TMOD1: variants seen among roughly 807,000 people sequenced by gnomAD.
The protein encoded by TMOD1 is tropomodulin 1.
In TMOD1, 17 loss-of-function variants were observed where a neutral mutation model predicts 40.6. The observed-to-expected ratio is 0.42, with a 90% CI of 0.29 to 0.63. The LOEUF is 0.63. Among genes scored for constraint, TMOD1 ranks in the 20% least tolerant of loss-of-function variants. The pLI is 0.22. For missense variants in TMOD1, 391 were observed against 447.6 expected, an observed-to-expected ratio of 0.87 and a Z score of 1.14; for synonymous variants, 181 against 175.0, an observed-to-expected ratio of 1.03 and a Z score of -0.27.
At position 97,600,888 on chromosome 9, in the gene TMOD1, C is replaced by A; in HGVS notation, c.*1190C>A. On this transcript the variant is annotated 3_prime_UTR_variant, in exon 10 of 10. Coordinates refer to ENST00000259365, the MANE Select transcript of TMOD1 (RefSeq NM_003275.4). ...CAATGCCCTTGTGCCTTTTAATATA[C>A]CACAGTGCCAGTTAAACTAATATTT... 8.7e-7 allele frequency: 1 copy of A among 1,145,820 alleles called. No homozygotes were observed. The highest frequency in any genetic ancestry group is 1.1e-6 in the Non-Finnish European group (1 of 916,196). 71.0% of individuals were successfully genotyped at this position (1,145,820 alleles called of 1,614,324 possible). A position where few individuals can be genotyped will look rare whatever the true frequency, so the allele number is the denominator to read the frequency against.
At chr9:97,537,675 T>C (rs1250497865) in intron 2 of TMOD1, among the ~76,000 whole-genome samples, 1 of 152,226 alleles carries the variant, frequency 6.6e-6, no homozygotes, top group African/African-American at 2.4e-5. Flanking sequence ...AGTTGGCAAC[T>C]GCACACAGGA....
At position 97,553,298 on chromosome 9, in the gene TMOD1, A is replaced by G; in HGVS notation, c.295A>G (p.Lys99Glu). ...GEKRGKVWVP[K>E]QKPLDPVLES... Reference sequence around the variant, plus strand: ...GTTTGCAGGAAAGGTCTGGGTTCCTAAGCAGAAGCCACTGGATCCTGTGCT... The same window carrying G: ...GTTTGCAGGAAAGGTCTGGGTTCCTGAGCAGAAGCCACTGGATCCTGTGCT... The change falls in exon 4 of 10, where the codon AAG (lysine) becomes GAG (glutamate). Residue 99 changes from lysine (K) to glutamate (E), a missense_variant. Transcript: ENST00000259365. 1.2e-6 allele frequency: 2 copies of G among 1,614,152 alleles called. No homozygotes were observed. The highest frequency in any genetic ancestry group is 1.7e-6 in the Non-Finnish European group (2 of 1,180,016).
At chr9:97,543,699 G>A (rs1252455452) in intron 2 of TMOD1, among the ~76,000 whole-genome samples, 1 of 152,206 alleles carries the variant, frequency 6.6e-6, no homozygotes, top group Non-Finnish European at 1.5e-5. Flanking sequence ...TATTCATTAT[G>A]GGTAGTCACA....
chr9:97,520,702 G>A (rs1742355850), intron 1 of TMOD1, among the ~76,000 whole-genome samples: 1 of 152,142 alleles, frequency 6.6e-6, no homozygotes, highest in Non-Finnish European at 1.5e-5. Context: ...TAGCACCTTG[G>A]GGTGTGTATG....
intron 9 of TMOD1, among the ~76,000 whole-genome samples, chr9:97,594,824 C>A (rs1269943692): frequency 6.8e-6 from 1 of 147,788 alleles, no homozygotes; most frequent in Non-Finnish European, 1.5e-5. Context: ...GTCATCTCCA[C>A]ACTATTTATA....
chr9:97,503,021 C>T (rs1829530870), intron 1 of TMOD1, among the ~76,000 whole-genome samples: 1 of 152,204 alleles, frequency 6.6e-6, no homozygotes, highest in African/African-American at 2.4e-5. Flanking sequence ...TCGGAGACGA[C>T]CTGGCCCAAG....
At chr9:97,521,495 T>C (rs987859492) in intron 1 of TMOD1, among the ~76,000 whole-genome samples, 3 of 152,184 alleles carry the variant, frequency 2.0e-5, no homozygotes, top group African/African-American at 7.2e-5. Flanking sequence ...ACAGAGATCA[T>C]GGATCCTCTC....
intron 6 of TMOD1, among the ~76,000 whole-genome samples, chr9:97,564,718 C>T (rs1434349932): frequency 1.3e-5 from 2 of 152,192 alleles, no homozygotes; most frequent in African/African-American, 4.8e-5. Context: ...GTGCACATTT[C>T]CTTATGTGAT....
At chr9:97,578,692 T>G (rs1353148527) in intron 8 of TMOD1, among the ~76,000 whole-genome samples, 3 of 152,346 alleles carry the variant, frequency 2.0e-5, no homozygotes, top group Middle Eastern at 3.4e-3. Flanking sequence ...ATGCAGATGC[T>G]GGCTCCTGCC....
intron 1 of TMOD1, 126 bp from the exon 2 acceptor site, chr9:97,524,015 C>T: frequency 3.2e-6 from 2 of 626,016 alleles, no homozygotes; most frequent in Non-Finnish European, 5.3e-6. Flanking sequence ...AGTATTCCAC[C>T]ATAGTAATGA....
At chr9:97,561,602 G>A (rs907142140) in intron 4 of TMOD1, among the ~76,000 whole-genome samples, 4 of 152,226 alleles carry the variant, frequency 2.6e-5, no homozygotes, top group African/African-American at 9.6e-5. Context: ...GTGTTGCCAT[G>A]CGTCTGATTA....
Position 97,524,227 on chromosome 9 carries a change from G to A in TMOD1, c.39G>A (p.Leu13=), listed in dbSNP as rs770527725. ...YRRELEKYRD[L]DEDEILGALT... is the part of the protein sequence containing the mutation. Reference sequence around the variant, plus strand: ...GAGAACTAGAGAAATACCGTGACCTGGATGAAGATGAAATCCTTGGAGCCC... The same window carrying A: ...GAGAACTAGAGAAATACCGTGACCTAGATGAAGATGAAATCCTTGGAGCCC... The change falls in exon 2 of 10, where the codon CTG becomes CTA. Residue 13 remains leucine, a synonymous_variant. Coordinates refer to ENST00000259365, the MANE Select transcript of TMOD1 (RefSeq NM_003275.4). 11 of 1,614,172 alleles carry A rather than the reference G, an allele frequency of 6.8e-6. No individual in the cohort carries two copies. The highest frequency in any genetic ancestry group is 1.7e-5 in the Admixed American group (1 of 60,020).
At position 97,600,218 on chromosome 9, in the gene TMOD1, A is replaced by G; in HGVS notation, c.*520A>G. On this transcript the variant is annotated 3_prime_UTR_variant, in exon 10 of 10. Coordinates refer to ENST00000259365, the MANE Select transcript of TMOD1 (RefSeq NM_003275.4). ...AGTTGCCAAATTGATTACTGGATCC[A>G]GAACACAATTTTCCCCTCAGAACAG... is the stretch of plus-strand genomic sequence containing the variant. The G allele has an allele frequency of 1.0e-6, 1 of 994,474 alleles. No homozygotes were observed. Among genetic ancestry groups the G allele is most frequent in the Non-Finnish European group, 1.2e-6 (1 of 834,452 alleles). 61.6% of individuals were successfully genotyped at this position (994,474 alleles called of 1,614,324 possible).
At position 97,559,831 on chromosome 9, in the gene TMOD1, CTATCTATCTATCTATCTA is replaced by C. The variant is rs1293796484; in HGVS notation, c.398-2899_398-2882del. 1.0e-3 allele frequency among the ~76,000 whole-genome samples: 37 copies of C among 35,732 alleles called. 1 individual carries two copies. The highest frequency in any genetic ancestry group is 4.4e-3 in the African/African-American group (35 of 7,976). 23.4% of individuals were successfully genotyped at this position (35,732 alleles called of 152,430 possible). On this transcript the variant is annotated intron_variant, in intron 4 of 9. Coordinates refer to ENST00000259365, the MANE Select transcript of TMOD1 (RefSeq NM_003275.4). Reference sequence around the variant, plus strand: ...TATATATATATATATATATGTCTATCTATCTATCTATCTATCTATCTCCAGAGATTCTGATTGGTTGGT... The same window carrying C: ...TATATATATATATATATATGTCTATCTCTCCAGAGATTCTGATTGGTTGGT...
At chr9:97,534,126 G>A (rs565516445) in intron 2 of TMOD1, among the ~76,000 whole-genome samples, 154 of 152,212 alleles carry the variant, frequency 1.0e-3, no homozygotes, top group Non-Finnish European at 1.7e-3. Context: ...TCATATCATT[G>A]CCTGGAACTT....
intron 1 of TMOD1, among the ~76,000 whole-genome samples, chr9:97,515,149 C>T (rs765435232): frequency 7.1e-6 from 1 of 140,108 alleles, no homozygotes; most frequent in Non-Finnish European, 1.5e-5. Context: ...CCAGCCTGGT[C>T]AACATAGTGA....
At chr9:97,594,036 G>A (rs2805788) in intron 9 of TMOD1, among the ~76,000 whole-genome samples, 30,685 of 151,988 alleles carry the variant, frequency 0.2, 3,461 homozygotes, top group African/African-American at 0.29. Context: ...TTGGGTGGCT[G>A]CAGCCCAAGG....
At chr9:97,531,552 A>T (rs191683825) in intron 2 of TMOD1, among the ~76,000 whole-genome samples, 1 of 152,290 alleles carries the variant, frequency 6.6e-6, no homozygotes, top group African/African-American at 2.4e-5. Context: ...CGGAGGTTGC[A>T]GTGAGCCAAG....
chr9:97,598,099 G>A (rs961205643), intron 9 of TMOD1, among the ~76,000 whole-genome samples: 11 of 152,162 alleles, frequency 7.2e-5, no homozygotes, highest in African/African-American at 2.2e-4. Context: ...AGGCTGAGGC[G>A]TGGGGGATCA....
Sources: allele counts gnomAD v4.1 joint callset (sites outside exome capture counted in the v4.1 genomes callset), GRCh38; gene constraint gnomAD v4.1.1; transcripts MANE v1.5; gene names NCBI Gene and HGNC (gene_info 2026-07-23, HGNC 2026-07-21).